MBNL2: variants seen among roughly 807,000 people sequenced by gnomAD.
MBNL2 encodes the protein muscleblind like splicing regulator 2.
A neutral mutation model predicts 41.9 loss-of-function variants in MBNL2; 17 were observed. That is an observed-to-expected ratio of 0.41 (90% confidence interval 0.28 to 0.61). The LOEUF (loss-of-function observed/expected upper bound fraction) is 0.61. Ranked by LOEUF, MBNL2 falls within the 20% of genes least tolerant of loss-of-function variation. The pLI is 0.35. For synonymous variants in MBNL2, 195 were observed against 182.9 expected (o/e 1.07, Z -0.53); for missense variants, 336 against 505.6 (o/e 0.66, Z 3.22).
At chr13:97,178,650 C>G in the MBNL2 span, among the ~76,000 whole-genome samples, 1 of 152,164 alleles carries the variant, frequency 6.6e-6, no homozygotes, top group East Asian at 1.9e-4. Context: ...AGTCCCAGTA[C>G]TTTGGGAGGC....
upstream of MBNL2, among the ~76,000 whole-genome samples, chr13:97,219,987 C>T (rs1170444677): frequency 6.6e-6 from 1 of 152,150 alleles, no homozygotes; most frequent in African/African-American, 2.4e-5. Context: ...ACCTGAAAGA[C>T]TTTGATAATG....
chr13:97,366,563 T>G lies in MBNL2; in HGVS notation c.1048+1392T>G, dbSNP rs2153123375. The stretch of plus-strand genomic sequence containing the variant: ...AGCCACAGCCAATCAGGTTTGCTCC[T>G]TTTAAAGCTTTCTTTCACAAATCCC... On this transcript the variant is annotated intron_variant, in intron 8 of 8. Transcript: ENST00000679496. This position sits in a 1 kb window ranked among gnomAD's most constrained non-coding sequence, Gnocchi z 4.7. 1 of 1,566,116 alleles carries G rather than the reference T, an allele frequency of 6.4e-7. No individual in the cohort carries two copies.
Position 97,365,281 on chromosome 13 carries a change from G to T in MBNL2, c.1048+110G>T. 3 of 789,782 alleles carry T rather than the reference G, an allele frequency of 3.8e-6. No homozygotes were observed. The East Asian group carries it at 7.3e-5, about 19-fold the overall frequency. The allele number at this position is 789,782 out of a possible 1,614,324, so 48.9% of individuals were successfully genotyped here. ...TGCTATAGGAAATAGTAGATTTGAA[G>T]GCTTATTTGGCTTTAGAGTTAACAT... On this transcript the variant is annotated intron_variant, in intron 8 of 8. Transcript: ENST00000679496.
intron 1 of MBNL2, among the ~76,000 whole-genome samples, chr13:97,222,886 A>G (rs1411256304): frequency 2.0e-5 from 3 of 152,220 alleles, no homozygotes; most frequent in Non-Finnish European, 2.9e-5. Context: ...TAAAGTTTAC[A>G]TGGATCCTAT....
chr13:97,339,242 GTA>G (rs2061209604), intron 3 of MBNL2, among the ~76,000 whole-genome samples: 1 of 150,822 alleles, frequency 6.6e-6, no homozygotes, highest in African/African-American at 2.4e-5. Context: ...ATGTGTATGA[GTA>G]TGTGTTGTGT....
chr13:97,322,114 A>G (rs911289578), intron 2 of MBNL2, among the ~76,000 whole-genome samples: 9 of 152,164 alleles, frequency 5.9e-5, no homozygotes, highest in African/African-American at 2.2e-4. Context: ...AGATGCTCCA[A>G]AACTGTCAGA....
At chr13:97,329,661 C>T (rs77416415) in intron 2 of MBNL2, among the ~76,000 whole-genome samples, 16 of 180 alleles carry the variant, frequency 0.089, no homozygotes, top group East Asian at 0.25. Context: ...CACACACATG[C>T]AGCACACATA....
At chr13:97,269,406 G>A (rs2050473596) in intron 1 of MBNL2, among the ~76,000 whole-genome samples, 1 of 152,118 alleles carries the variant, frequency 6.6e-6, no homozygotes, top group African/African-American at 2.4e-5. Context: ...CCAAAATTGT[G>A]GAACGTCTGG....
intron 1 of MBNL2, among the ~76,000 whole-genome samples, chr13:97,252,973 C>T (rs1469958041): frequency 6.6e-6 from 1 of 152,186 alleles, no homozygotes; most frequent in Non-Finnish European, 1.5e-5. Context: ...ACAGAGGTCT[C>T]TCTCTATTTT....
At chr13:97,347,146 C>G in intron 5 of MBNL2, 79 bp downstream of exon 5, 3 of 1,108,524 alleles carry the variant, frequency 2.7e-6, no homozygotes, top group Non-Finnish European at 3.7e-6. Flanking sequence ...GATGTTCTTC[C>G]AAACACTCGG....
At chr13:97,276,455 T>G (rs2052148144) in intron 2 of MBNL2, 46 bp downstream of exon 2, 2 of 1,533,358 alleles carry the variant, frequency 1.3e-6, no homozygotes, top group Non-Finnish European at 1.8e-6. Flanking sequence ...ACATTGGAAT[T>G]GCAAACAGAA....
At chr13:97,383,582 A>G (rs1317450191) in intron 8 of MBNL2, among the ~76,000 whole-genome samples, 1 of 152,208 alleles carries the variant, frequency 6.6e-6, no homozygotes, top group Non-Finnish European at 1.5e-5. Flanking sequence ...AGAGCTTTGA[A>G]TATAAACTTT....
chr13:97,377,731 T>A (rs2065088685), intron 8 of MBNL2, among the ~76,000 whole-genome samples: 1 of 152,222 alleles, frequency 6.6e-6, no homozygotes, highest in African/African-American at 2.4e-5. Context: ...TGCTTTTCTC[T>A]GAACCTCGTA....
intron 5 of MBNL2, 124 bp from the exon 6 acceptor site, chr13:97,356,672 C>T: frequency 1.9e-5 from 6 of 317,784 alleles, no homozygotes; most frequent in Admixed American, 1.2e-4. Context: ...TTTTTTCCTT[C>T]TCACCTATCC....
intron 3 of MBNL2, among the ~76,000 whole-genome samples, chr13:97,335,200 A>G (rs2060775252): frequency 6.6e-6 from 1 of 152,146 alleles, no homozygotes; most frequent in Non-Finnish European, 1.5e-5. Flanking sequence ...AAATTGTTTT[A>G]GGAATGATAT....
At chr13:97,237,621 A>C (rs1212695341) in intron 1 of MBNL2, among the ~76,000 whole-genome samples, 1 of 152,196 alleles carries the variant, frequency 6.6e-6, no homozygotes, top group Non-Finnish European at 1.5e-5. Context: ...GCCTTGAAGG[A>C]TAGATAAAAT....
chr13:97,207,642 G>T, the MBNL2 span, among the ~76,000 whole-genome samples: 6 of 152,160 alleles, frequency 3.9e-5, no homozygotes, highest in African/African-American at 1.4e-4. Context: ...ATTTGGGTGG[G>T]AACAGAGCCA....
At chr13:97,262,132 C>T (rs767950893) in intron 1 of MBNL2, among the ~76,000 whole-genome samples, 4 of 152,192 alleles carry the variant, frequency 2.6e-5, no homozygotes, top group Admixed American at 1.3e-4. Flanking sequence ...CTCAGGATCC[C>T]GCAGGCACCA....
At chr13:97,374,292 C>T (rs1211869287) in intron 8 of MBNL2, among the ~76,000 whole-genome samples, 2 of 150,994 alleles carry the variant, frequency 1.3e-5, no homozygotes, top group African/African-American at 4.9e-5. Context: ...GGACTACAGG[C>T]GCCCGCCACT....
Sources: allele counts gnomAD v4.1 joint callset (sites outside exome capture counted in the v4.1 genomes callset), GRCh38; gene constraint gnomAD v4.1.1; non-coding constraint Gnocchi (gnomAD v3.1); transcripts MANE v1.5; gene names NCBI Gene and HGNC (gene_info 2026-07-23, HGNC 2026-07-21).